Variants in LYPD6 observed in about 807,000 individuals in gnomAD.
LYPD6 encodes ly6/PLAUR domain-containing protein 6.
In LYPD6, 15 loss-of-function variants were observed where a neutral mutation model predicts 22.7. The observed-to-expected ratio is 0.66, with a 90% CI of 0.44 to 1.02. The LOEUF is 1.02. Among genes scored for constraint, LYPD6 ranks in the 50% least tolerant of loss-of-function variants. The pLI, the probability that LYPD6 is intolerant of heterozygous loss-of-function variation, is 0.00. For missense variants in LYPD6, 189 were observed against 208.4 expected, an observed-to-expected ratio of 0.91 and a Z score of 0.57; for synonymous variants, 72 against 77.5, an observed-to-expected ratio of 0.93 and a Z score of 0.37.
chr2:149,433,487 G>A (rs888087429), intron 1 of LYPD6, among the ~76,000 whole-genome samples: 2 of 152,194 alleles, frequency 1.3e-5, no homozygotes, highest in South Asian at 4.1e-4. Flanking sequence ...AGTCAGGAAA[G>A]CTGTGGGGGA....
chr2:149,351,088 C>G (rs1214957120), intron 1 of LYPD6, among the ~76,000 whole-genome samples: 1 of 152,148 alleles, frequency 6.6e-6, no homozygotes, highest in Non-Finnish European at 1.5e-5. Context: ...CTTTTTCTCA[C>G]AGAGATATTT....
intron 1 of LYPD6, among the ~76,000 whole-genome samples, chr2:149,376,862 A>C (rs568526210): frequency 9.2e-5 from 14 of 152,256 alleles, no homozygotes; most frequent in Non-Finnish European, 1.8e-4. Context: ...TTGTAGGTGC[A>C]GTACTGACTA....
chr2:149,448,602 G>A (rs1050426117), intron 2 of LYPD6, among the ~76,000 whole-genome samples: 1 of 151,386 alleles, frequency 6.6e-6, no homozygotes, highest in African/African-American at 2.4e-5. Flanking sequence ...TTTCAAAAAT[G>A]TCATATAAAT....
At chr2:149,440,290 TACATGAGCTCCCCCTGTC>T in intron 2 of LYPD6, 1 of 156,460 alleles carries the variant, frequency 6.4e-6, no homozygotes, top group South Asian at 1.9e-4. Context: ...TAAAGAGCCA[TACATGAGCTCCCCCTGTC>T]ACATCGAGGT....
chr2:149,415,904 A>C (rs867068573), intron 1 of LYPD6, among the ~76,000 whole-genome samples: 2 of 150,830 alleles, frequency 1.3e-5, no homozygotes, highest in Non-Finnish European at 3.0e-5. Context: ...CTGGTCTTGA[A>C]CTCCTGGGCT....
At chr2:149,330,958 C>T (rs984952806) in intron 1 of LYPD6, among the ~76,000 whole-genome samples, 7 of 152,142 alleles carry the variant, frequency 4.6e-5, no homozygotes, top group Non-Finnish European at 1.0e-4. Flanking sequence ...CGTGTGTACT[C>T]GTGTGTGTTG....
At chr2:149,337,819 G>T (rs894243804) in intron 1 of LYPD6, among the ~76,000 whole-genome samples, 1 of 152,058 alleles carries the variant, frequency 6.6e-6, no homozygotes, top group Non-Finnish European at 1.5e-5. Flanking sequence ...CCCAGTGTTT[G>T]TTGTTCTCTT....
rs1573830145 is a variant in LYPD6, at chr2:149,464,890, A to G, written c.218-3755A>G. On this transcript the variant is annotated intron_variant, in intron 3 of 4. Transcript: ENST00000334166. ...AGTTACTGGAGAAGCTGGAGGTACA[A>G]TATCCCAGGAGGTCCCTTCCTGAGA... Among the ~76,000 whole-genome samples the G allele has an allele frequency of 3.9e-5, 6 of 152,298 alleles. No individual in the cohort carries two copies. In the East Asian group the frequency reaches 9.7e-4, roughly 25 times the overall value.
intron 1 of LYPD6, among the ~76,000 whole-genome samples, chr2:149,356,395 T>C (rs906824692): frequency 4.6e-5 from 7 of 152,318 alleles, no homozygotes; most frequent in African/African-American, 1.4e-4. Flanking sequence ...GAAAAATCAC[T>C]GTGGGCTGGA....
At chr2:149,408,972 T>C (rs1462775843) in intron 1 of LYPD6, among the ~76,000 whole-genome samples, 1 of 152,134 alleles carries the variant, frequency 6.6e-6, no homozygotes, top group African/African-American at 2.4e-5. Flanking sequence ...CTTTTGGGGG[T>C]GTTAACCTTG....
chr2:149,413,627 G>C (rs1682899631), intron 1 of LYPD6, among the ~76,000 whole-genome samples: 1 of 152,256 alleles, frequency 6.6e-6, no homozygotes, highest in Non-Finnish European at 1.5e-5. Flanking sequence ...TTCCCCTGGG[G>C]ACTTACCTAT....
rs1333954542 is a variant in LYPD6 at position 149,472,521 on chromosome 2, T to A, written c.*1671T>A. ...ATGAGACTCCCTCAGGGACTAAATA[T>A]GAACTGACAGCAGTAACTCTGATAC... On this transcript the variant is annotated 3_prime_UTR_variant, in exon 5 of 5. Transcript: ENST00000334166. 6.6e-6 allele frequency: 1 copy of A among 152,626 alleles called. No individual in the cohort carries two copies. Among genetic ancestry groups the A allele is most frequent in the Non-Finnish European group, 1.5e-5 (1 of 68,032 alleles). The allele number at this position is 152,626 out of a possible 1,614,324, so 9.5% of individuals were successfully genotyped here.
chr2:149,470,649 C>A, intron 4 of LYPD6, 34 bp from the exon 5 acceptor site: 3 of 1,595,596 alleles, frequency 1.9e-6, no homozygotes, highest in Non-Finnish European at 1.7e-6. Flanking sequence ...GACATGCTGG[C>A]TTCTCATTAT....
chr2:149,454,428 G>A (rs1181270056), intron 3 of LYPD6, among the ~76,000 whole-genome samples: 2 of 152,074 alleles, frequency 1.3e-5, no homozygotes, highest in African/African-American at 2.4e-5. Context: ...ATGTCTTTTC[G>A]AGCAACAAAG....
chr2:149,407,143 G>T (rs750577737), intron 1 of LYPD6, among the ~76,000 whole-genome samples: 39 of 152,244 alleles, frequency 2.6e-4, no homozygotes, highest in Admixed American at 6.5e-4. Flanking sequence ...TAACCCGACC[G>T]TTCTCTCTGG....
intron 1 of LYPD6, among the ~76,000 whole-genome samples, chr2:149,423,091 A>T (rs564342893): frequency 3.9e-5 from 6 of 152,268 alleles, no homozygotes; most frequent in Admixed American, 2.6e-4. Flanking sequence ...TGGAGGCAAC[A>T]CCAAGACAGA....
At chr2:149,351,583 A>G (rs1467235830) in intron 1 of LYPD6, among the ~76,000 whole-genome samples, 1 of 152,098 alleles carries the variant, frequency 6.6e-6, no homozygotes, top group Non-Finnish European at 1.5e-5. Flanking sequence ...GTTCATAAGG[A>G]ATATTCTCTA....
At chr2:149,388,180 C>CTT (rs907698162) in intron 1 of LYPD6, among the ~76,000 whole-genome samples, 5,064 of 42,926 alleles carry the variant, frequency 0.12, 263 homozygotes, top group African/African-American at 0.18. Flanking sequence ...CTCTCTCTCT[C>CTT]TTTTTTTTTT....
chr2:149,367,068 A>G (rs1423883714), intron 1 of LYPD6, among the ~76,000 whole-genome samples: 1 of 152,196 alleles, frequency 6.6e-6, no homozygotes, highest in East Asian at 1.9e-4. Flanking sequence ...TAGACTGTCA[A>G]TCAGGATAAA....
Sources: gnomAD v4.1 joint callset for allele counts (sites outside exome capture counted in the v4.1 genomes callset) on GRCh38, gnomAD v4.1.1 for gene constraint, MANE v1.5 for transcripts, NCBI Gene and HGNC (gene_info 2026-07-23, HGNC 2026-07-21) for gene names.